The following SMARCA2 variants were observed in gnomAD, a reference collection of about 807,000 sequenced individuals.
The protein encoded by SMARCA2 is SWI/SNF-related matrix-associated actin-dependent regulator of chromatin subfamily A member 2.
Under a neutral mutation model 199.8 loss-of-function variants are expected in SMARCA2, and 61 were observed. The observed-to-expected ratio is 0.31, with a 90% CI of 0.25 to 0.38. The LOEUF is 0.38. SMARCA2 is among the 10% of genes least tolerant of loss of function. SMARCA2 has a pLI of 1.00. For synonymous variants in SMARCA2, 935 were observed against 732.0 expected, an observed-to-expected ratio of 1.28 and a Z score of -4.48; for missense variants, 1,344 against 2,012.2, an observed-to-expected ratio of 0.67 and a Z score of 6.35.
chr9:2,160,405 G>C (rs1825605408), intron 27 of SMARCA2: 2 of 549,676 alleles, frequency 3.6e-6, no homozygotes, highest in East Asian at 2.8e-5. Context: ...AGGATGCGTA[G>C]AAAACATATT....
rs1818309097 is a variant in SMARCA2 at position 2,015,366 on chromosome 9, G to C, written c.-75G>C. On this transcript the variant is annotated 5_prime_UTR_variant, in exon 1 of 34. Coordinates refer to ENST00000349721, the MANE Select transcript of SMARCA2 (RefSeq NM_003070.5). ...GTTTCTGTACTCTGGGTGACTCAGA[G>C]AGGGAAGAGATTCAGCCAGCACACT... 1 of 152,348 alleles carries C rather than the reference G, an allele frequency of 6.6e-6. No homozygotes were observed. Among genetic ancestry groups the C allele is most frequent in the Non-Finnish European group, 1.5e-5 (1 of 68,106 alleles). 9.4% of individuals were successfully genotyped at this position (152,348 alleles called of 1,614,324 possible).
intron 32 of SMARCA2, among the ~76,000 whole-genome samples, chr9:2,188,422 A>G (rs10965137): frequency 0.11 from 17,021 of 152,180 alleles, 997 homozygotes; most frequent in East Asian, 0.17. Context: ...TCTATTATCT[A>G]TATTCTAGTT....
chr9:2,081,428 T>G (rs1424247223), intron 14 of SMARCA2, among the ~76,000 whole-genome samples: 1 of 152,224 alleles, frequency 6.6e-6, no homozygotes, highest in Non-Finnish European at 1.5e-5. Context: ...TCACCCATAT[T>G]ACCGAAAAGG....
intron 27 of SMARCA2, among the ~76,000 whole-genome samples, chr9:2,128,930 C>T (rs950422928): frequency 1.3e-5 from 2 of 152,162 alleles, no homozygotes; most frequent in African/African-American, 4.8e-5. Context: ...AGTTAAAGTG[C>T]ATAGTCCCCA....
intron 27 of SMARCA2, among the ~76,000 whole-genome samples, chr9:2,132,236 T>G (rs921197665): frequency 6.6e-6 from 1 of 152,176 alleles, no homozygotes; most frequent in African/African-American, 2.4e-5. Context: ...AATAAAATAT[T>G]TCCTCACAGG....
chr9:2,134,953 T>C (rs1443141257), intron 27 of SMARCA2, among the ~76,000 whole-genome samples: 1 of 152,054 alleles, frequency 6.6e-6, no homozygotes, highest in African/African-American at 2.4e-5. Flanking sequence ...TTATAAGCTA[T>C]ATTAGGGTTA....
chr9:2,082,799 CT>C (rs1446989661), intron 15 of SMARCA2, among the ~76,000 whole-genome samples: 27 of 152,210 alleles, frequency 1.8e-4, no homozygotes, highest in African/African-American at 6.3e-4. Flanking sequence ...ATTTGCAGCC[CT>C]TTTTGTATGA....
At chr9:2,121,293 A>G (rs892633939) in intron 26 of SMARCA2, among the ~76,000 whole-genome samples, 2 of 152,214 alleles carry the variant, frequency 1.3e-5, no homozygotes, top group Non-Finnish European at 2.9e-5. Flanking sequence ...TTACCACTCA[A>G]AGAACAGGGT....
intron 12 of SMARCA2, chr9:2,074,963 T>G (rs1262849903): frequency 6.6e-6 from 1 of 152,248 alleles, no homozygotes; most frequent in African/African-American, 2.4e-5. Context: ...TCTTGTTTAC[T>G]TGGATGAATG....
At chr9:2,178,123 G>C (rs1356805089) in intron 29 of SMARCA2, among the ~76,000 whole-genome samples, 1 of 151,978 alleles carries the variant, frequency 6.6e-6, no homozygotes, top group Non-Finnish European at 1.5e-5. Flanking sequence ...TTGCACAGTG[G>C]TATGTGGCTC....
At chr9:2,153,161 A>G (rs1261316141) in intron 27 of SMARCA2, among the ~76,000 whole-genome samples, 4 of 152,340 alleles carry the variant, frequency 2.6e-5, no homozygotes, top group South Asian at 4.1e-4. Flanking sequence ...ATTTAGGAGT[A>G]TGGCAGTTTT....
chr9:2,059,246 A>G (rs1021968846), intron 8 of SMARCA2, among the ~76,000 whole-genome samples: 6 of 152,226 alleles, frequency 3.9e-5, no homozygotes, highest in African/African-American at 1.4e-4. Context: ...AGATGAAGAT[A>G]AGGTCATTAG....
At chr9:2,142,724 G>T (rs1404238646) in intron 27 of SMARCA2, among the ~76,000 whole-genome samples, 1 of 152,182 alleles carries the variant, frequency 6.6e-6, no homozygotes, top group Non-Finnish European at 1.5e-5. Flanking sequence ...GGCAAACTGA[G>T]AACAAAGATC....
At chr9:2,146,608 G>A (rs182436790) in intron 27 of SMARCA2, among the ~76,000 whole-genome samples, 1 of 152,312 alleles carries the variant, frequency 6.6e-6, no homozygotes, top group South Asian at 2.1e-4. Flanking sequence ...GAGAAAGCAA[G>A]TTTATTAGGA....
chr9:2,181,401 A>G (rs1253852701), intron 29 of SMARCA2, 170 bp from the exon 30 acceptor site: 1 of 545,360 alleles, frequency 1.8e-6, no homozygotes. Context: ...AATTATCACA[A>G]GGGACATCAA....
chr9:2,021,739 G>T (rs1818609242), intron 1 of SMARCA2, among the ~76,000 whole-genome samples: 1 of 152,186 alleles, frequency 6.6e-6, no homozygotes, highest in Non-Finnish European at 1.5e-5. Context: ...GTGTCTTAAA[G>T]AATGTACCTG....
chr9:2,137,751 T>C (rs900966702), intron 27 of SMARCA2, among the ~76,000 whole-genome samples: 2 of 152,010 alleles, frequency 1.3e-5, no homozygotes, highest in African/African-American at 4.8e-5. Flanking sequence ...AGCAGGACTT[T>C]ATGCGTGGTA....
chr9:2,179,760 C>T (rs1355273271), intron 29 of SMARCA2, among the ~76,000 whole-genome samples: 2 of 152,210 alleles, frequency 1.3e-5, no homozygotes, highest in South Asian at 2.1e-4. Flanking sequence ...CATCTGTTGG[C>T]AATGTAGAAG....
At chr9:2,083,140 A>G (rs1821641747) in intron 15 of SMARCA2, among the ~76,000 whole-genome samples, 2 of 151,940 alleles carry the variant, frequency 1.3e-5, no homozygotes, top group Admixed American at 6.5e-5. Context: ...AGATTTTTTT[A>G]TGAACCACAA....
Sources: gnomAD v4.1 joint callset for allele counts (sites outside exome capture counted in the v4.1 genomes callset) on GRCh38, gnomAD v4.1.1 for gene constraint, MANE v1.5 for transcripts, NCBI Gene and HGNC (gene_info 2026-07-23, HGNC 2026-07-21) for gene names.